The following HYAL4 variants were observed in gnomAD, a reference collection of about 807,000 sequenced individuals.
HYAL4 encodes the protein hyaluronidase 4.
Under a neutral mutation model 35.2 loss-of-function variants are expected in HYAL4, and 37 were observed. That is an observed-to-expected ratio of 1.05 (90% CI 0.81 to 1.38). The LOEUF (loss-of-function observed/expected upper bound fraction) is 1.38. Ranked by LOEUF, HYAL4 falls within the 40% of genes most tolerant of loss-of-function variation. The pLI is 0.00. For missense variants in HYAL4, 572 were observed against 572.4 expected (o/e 1.00, Z 0.01); for synonymous variants, 198 against 203.2 (o/e 0.97, Z 0.22).
At chr7:123,823,777 A>G in the HYAL4 span, among the ~76,000 whole-genome samples, 3 of 150,320 alleles carry the variant, frequency 2.0e-5, no homozygotes, top group Non-Finnish European at 4.4e-5. Context: ...TTATATATAT[A>G]TGAATTTATT....
the HYAL4 span, among the ~76,000 whole-genome samples, chr7:123,793,048 T>C: frequency 6.6e-6 from 1 of 152,202 alleles, no homozygotes; most frequent in East Asian, 1.9e-4. Flanking sequence ...TTGAGCTCTC[T>C]TCTACAGCTA....
chr7:123,805,925 T>C, the HYAL4 span, among the ~76,000 whole-genome samples: 2 of 151,394 alleles, frequency 1.3e-5, no homozygotes, highest in Non-Finnish European at 2.9e-5. Flanking sequence ...ACCCGGGAGG[T>C]AGAGATTGCA....
the HYAL4 span, among the ~76,000 whole-genome samples, chr7:123,801,270 A>G: frequency 6.6e-6 from 1 of 152,228 alleles, no homozygotes; most frequent in Non-Finnish European, 1.5e-5. Context: ...TAAATCTACT[A>G]AAACTTTTTA....
intron 2 of HYAL4, among the ~76,000 whole-genome samples, chr7:123,853,867 T>C (rs1319035109): frequency 6.6e-6 from 1 of 152,178 alleles, no homozygotes; most frequent in Non-Finnish European, 1.5e-5. Context: ...TGGGCTTTTT[T>C]TGGTTGGTAG....
the HYAL4 span, among the ~76,000 whole-genome samples, chr7:123,777,370 A>G: frequency 6.6e-6 from 1 of 152,170 alleles, no homozygotes; most frequent in Non-Finnish European, 1.5e-5. Flanking sequence ...ATTGGGTTAA[A>G]TAAAACATAT....
chr7:123,781,138 G>C, the HYAL4 span, among the ~76,000 whole-genome samples: 2 of 45,160 alleles, frequency 4.4e-5, no homozygotes, highest in African/African-American at 1.3e-4. Context: ...TCTGTCTCCT[G>C]CCTGTCCCTG....
chr7:123,824,750 G>C (rs1474798700), upstream of HYAL4, among the ~76,000 whole-genome samples: 1 of 152,096 alleles, frequency 6.6e-6, no homozygotes, highest in East Asian at 1.9e-4. Context: ...AAATCCACTT[G>C]GATCATGAAA....
intron 2 of HYAL4, among the ~76,000 whole-genome samples, chr7:123,856,982 C>T (rs887411281): frequency 3.2e-4 from 49 of 152,118 alleles, no homozygotes; most frequent in African/African-American, 1.1e-3. Flanking sequence ...TTTGTTTACA[C>T]TTTGAGGGGA....
chr7:123,838,451 A>G (rs538121295), intron 1 of HYAL4, among the ~76,000 whole-genome samples: 1 of 152,010 alleles, frequency 6.6e-6, no homozygotes, highest in South Asian at 2.1e-4. Context: ...TAATATCAAC[A>G]TTACAAAATG....
the HYAL4 span, among the ~76,000 whole-genome samples, chr7:123,773,389 ATTAT>A: frequency 3.3e-5 from 5 of 152,006 alleles, no homozygotes; most frequent in African/African-American, 1.2e-4. Flanking sequence ...ATTTTCCTTA[ATTAT>A]TTCCTCTTTT....
At chr7:123,843,132 G>C (rs1806101660), upstream of HYAL4, among the ~76,000 whole-genome samples, 1 of 152,018 alleles carries the variant, frequency 6.6e-6, no homozygotes, top group Non-Finnish European at 1.5e-5. Flanking sequence ...TGCAGTGGCT[G>C]GTGCCGGTTG....
intron 2 of HYAL4, among the ~76,000 whole-genome samples, chr7:123,850,871 A>C (rs894002115): frequency 2.0e-5 from 3 of 152,176 alleles, no homozygotes; most frequent in African/African-American, 7.2e-5. Flanking sequence ...TGATTGGAAC[A>C]TTTCCAAATT....
the HYAL4 span, among the ~76,000 whole-genome samples, chr7:123,801,641 C>T: frequency 6.6e-6 from 1 of 152,136 alleles, no homozygotes; most frequent in Admixed American, 6.6e-5. Context: ...TTGATTTCAT[C>T]AATTTTATTT....
At chr7:123,840,520 GAAGA>G (rs1169856316), upstream of HYAL4, among the ~76,000 whole-genome samples, 1 of 151,910 alleles carries the variant, frequency 6.6e-6, no homozygotes, top group Non-Finnish European at 1.5e-5. Flanking sequence ...CCAATTCTTT[GAAGA>G]AAGTCATTGG....
chr7:123,769,412 G>C, the HYAL4 span, among the ~76,000 whole-genome samples: 1 of 152,082 alleles, frequency 6.6e-6, no homozygotes, highest in Non-Finnish European at 1.5e-5. Flanking sequence ...GTAGGCAGAA[G>C]GAAAAGTTAA....
chr7:123,850,725 G>A (rs1806287409), intron 2 of HYAL4, among the ~76,000 whole-genome samples: 1 of 152,102 alleles, frequency 6.6e-6, no homozygotes, highest in Non-Finnish European at 1.5e-5. Context: ...CTCATTCTTC[G>A]AGGAGCAATA....
intron 1 of HYAL4, among the ~76,000 whole-genome samples, chr7:123,837,168 A>G (rs1805978189): frequency 6.6e-6 from 1 of 152,172 alleles, no homozygotes. Context: ...TGTGAAGATT[A>G]GTTTTGCTGG....
In HYAL4 at chr7:123,877,302, A is replaced by G. The variant is rs1177822922; in HGVS notation, c.*147A>G. ...TATGTCACTTAACATAAACAGAAAC[A>G]TTATTTTATTTGCCTCCAGTCTGGC... On this transcript the variant is annotated 3_prime_UTR_variant, in exon 5 of 5. Transcript: ENST00000223026. 9.9e-6 allele frequency: 8 copies of G among 804,090 alleles called. No individual in the cohort carries two copies. Among genetic ancestry groups the G allele is most frequent in the African/African-American group, 3.5e-5 (2 of 57,818 alleles). The allele number at this position is 804,090 out of a possible 1,614,324, so 49.8% of individuals were successfully genotyped here. A position where few individuals can be genotyped will look rare whatever the true frequency, so the allele number is the denominator to read the frequency against.
At chr7:123,875,337 T>G (rs1806983295) in intron 4 of HYAL4, among the ~76,000 whole-genome samples, 1 of 152,162 alleles carries the variant, frequency 6.6e-6, no homozygotes, top group African/African-American at 2.4e-5. Context: ...CTTTTTCCTC[T>G]ACAGAGAAAT....
Sources: allele counts gnomAD v4.1 joint callset (sites outside exome capture counted in the v4.1 genomes callset), GRCh38; gene constraint gnomAD v4.1.1; transcripts MANE v1.5; gene names NCBI Gene and HGNC (gene_info 2026-07-23, HGNC 2026-07-21).